The following POLN variants were observed in gnomAD, a reference collection of about 807,000 sequenced individuals.
The protein encoded by POLN is DNA polymerase nu, also known as DNA polymerase N.
Under a neutral mutation model 113.5 loss-of-function variants are expected in POLN, and 108 were observed. That is an observed-to-expected ratio of 0.95 (90% CI 0.81 to 1.12). The LOEUF is 1.12. Among genes scored for constraint, POLN ranks in the 50% most tolerant of loss-of-function variants. POLN has a pLI of 0.00. For synonymous variants in POLN, 386 were observed against 391.5 expected, an observed-to-expected ratio of 0.99 and a Z score of 0.17; for missense variants, 1,097 against 1,077.1, an observed-to-expected ratio of 1.02 and a Z score of -0.26.
intron 16 of POLN, chr4:2,139,951 G>A (rs1408535535): frequency 1.3e-5 from 2 of 152,016 alleles, no homozygotes; most frequent in Non-Finnish European, 2.9e-5. Flanking sequence ...AGACTCTCCA[G>A]GAAATAACAA....
At chr4:2,163,105 G>A (rs1732642603) in intron 13 of POLN, among the ~76,000 whole-genome samples, 1 of 151,470 alleles carries the variant, frequency 6.6e-6, no homozygotes, top group Non-Finnish European at 1.5e-5. Context: ...CCACTTGGGG[G>A]AGAACTGATT....
At chr4:2,133,296 C>T (rs1731773165) in intron 16 of POLN, among the ~76,000 whole-genome samples, 1 of 152,204 alleles carries the variant, frequency 6.6e-6, no homozygotes, top group African/African-American at 2.4e-5. Context: ...GCCATATGAT[C>T]CAGCAATTCC....
At chr4:2,098,198 G>A (rs1730842661) in intron 19 of POLN, among the ~76,000 whole-genome samples, 1 of 152,182 alleles carries the variant, frequency 6.6e-6, no homozygotes, top group African/African-American at 2.4e-5. Flanking sequence ...GGGATCATTT[G>A]AGGCCAGGAG....
chr4:2,071,934 G>A lies in POLN; in HGVS notation c.*180C>T. ...TGGACGCGGCACTTCCCACTCACAG[G>A]AAGAATTCACTCAGACAAGGATGAG... On this transcript the variant is annotated 3_prime_UTR_variant, in exon 26 of 26. Transcript: ENST00000511885. This position sits in a 1 kb window ranked among gnomAD's most constrained non-coding sequence, Gnocchi z 5.2. The A allele has an allele frequency of 2.6e-6, 2 of 781,536 alleles. No individual in the cohort carries two copies. The highest frequency in any genetic ancestry group is 1.4e-5 in the South Asian group (1 of 69,034). 48.4% of individuals were successfully genotyped at this position (781,536 alleles called of 1,614,324 possible). A position where few individuals can be genotyped will look rare whatever the true frequency, so the allele number is the denominator to read the frequency against.
chr4:2,190,401 A>G (rs751349057), intron 7 of POLN, among the ~76,000 whole-genome samples: 5 of 152,154 alleles, frequency 3.3e-5, no homozygotes, highest in Admixed American at 6.5e-5. Flanking sequence ...AAGGACTTAA[A>G]TCTAAGACCT....
chr4:2,138,425 G>A (rs1304357508), intron 16 of POLN, among the ~76,000 whole-genome samples: 1 of 152,288 alleles, frequency 6.6e-6, no homozygotes, highest in South Asian at 2.1e-4. Flanking sequence ...GAAGGTGGGT[G>A]GGGAGCTGGA....
rs575085322 is a variant in POLN, at chr4:2,100,012, G to A, written c.1983-4079C>T. On this transcript the variant is annotated intron_variant, in intron 19 of 25. Transcript: ENST00000511885. ...TGGAGCCCGGGAGGCTGAGGCTGCA[G>A]TGAGCTGAGATTGTGCCACTGCACT... Among the ~76,000 whole-genome samples, 178 of 150,316 alleles carry A rather than the reference G, an allele frequency of 1.2e-3. 1 individual carries two copies. Among genetic ancestry groups the A allele is most frequent in the African/African-American group, 4.1e-3 (170 of 40,992 alleles).
intron 19 of POLN, among the ~76,000 whole-genome samples, chr4:2,113,789 C>T (rs1160276003): frequency 2.6e-5 from 4 of 151,144 alleles, no homozygotes; most frequent in Non-Finnish European, 4.4e-5. Context: ...ACCCAGGAGG[C>T]GGAGGTTGCA....
At chr4:2,239,209 G>A (rs1734882485) in intron 2 of POLN, among the ~76,000 whole-genome samples, 1 of 152,036 alleles carries the variant, frequency 6.6e-6, no homozygotes, top group South Asian at 2.1e-4. Context: ...GGAAAAATGT[G>A]GACTAAGTCA....
intron 16 of POLN, among the ~76,000 whole-genome samples, chr4:2,141,226 T>A (rs1731992995): frequency 6.6e-6 from 1 of 152,226 alleles, no homozygotes; most frequent in Non-Finnish European, 1.5e-5. Flanking sequence ...GATCTGCAAC[T>A]GAAAGTCTGC....
rs773216220 is a variant in POLN, at chr4:2,095,844, A to G, written c.2065+7T>C. The G allele has an allele frequency of 1.2e-5, 20 of 1,613,458 alleles. No homozygotes were observed. Among genetic ancestry groups the G allele is most frequent in the Middle Eastern group, 1.6e-4 (1 of 6,062 alleles). On this transcript the variant is annotated splice_region_variant and intron_variant, in intron 20 of 25. Coordinates refer to ENST00000511885, the MANE Select transcript of POLN (RefSeq NM_181808.4). ...CCCGAGACCCCAGCTCCCGGCCCGC[A>G]GCCTACCTGCTCCATAGACCACCGC...
intron 20 of POLN, among the ~76,000 whole-genome samples, chr4:2,092,901 C>T (rs1478862277): frequency 6.6e-6 from 1 of 152,204 alleles, no homozygotes; most frequent in Non-Finnish European, 1.5e-5. Context: ...GAACAGAGAC[C>T]AGCCTAAGCC....
At chr4:2,147,587 A>AT (rs1201075148) in intron 16 of POLN, among the ~76,000 whole-genome samples, 1 of 149,566 alleles carries the variant, frequency 6.7e-6, no homozygotes, top group East Asian at 2.0e-4. Flanking sequence ...AAACCAAATG[A>AT]TTTTGAGACA....
intron 9 of POLN, among the ~76,000 whole-genome samples, chr4:2,175,737 C>T (rs1732978729): frequency 6.6e-6 from 1 of 152,250 alleles, no homozygotes; most frequent in Non-Finnish European, 1.5e-5. Context: ...GCAGGCTCCT[C>T]CAGGTCACAT....
At chr4:2,135,302 T>C (rs1731826649) in intron 16 of POLN, among the ~76,000 whole-genome samples, 1 of 152,138 alleles carries the variant, frequency 6.6e-6, no homozygotes, top group South Asian at 2.1e-4. Flanking sequence ...CACATGTGTT[T>C]CTTCTGTAAC....
At chr4:2,077,855 C>T (rs1488780619) in intron 23 of POLN, among the ~76,000 whole-genome samples, 3 of 152,164 alleles carry the variant, frequency 2.0e-5, no homozygotes, top group South Asian at 2.1e-4. Context: ...GGACGTCTGT[C>T]GTCTCCGTGT....
intron 19 of POLN, among the ~76,000 whole-genome samples, chr4:2,108,621 C>A (rs1045356489): frequency 6.6e-6 from 1 of 152,080 alleles, no homozygotes; most frequent in East Asian, 1.9e-4. Flanking sequence ...CATGTATTGA[C>A]GCCCATTAAA....
At chr4:2,090,163 G>C in intron 20 of POLN, 1 of 1,005,928 alleles carries the variant, frequency 9.9e-7, no homozygotes, top group African/African-American at 1.6e-5. Flanking sequence ...TGAAACTTCA[G>C]AAGAAGAAAA....
rs953632763 is a variant in POLN, at chr4:2,093,373, G to A, written c.2065+2478C>T. On this transcript the variant is annotated intron_variant, in intron 20 of 25. Coordinates refer to ENST00000511885, the MANE Select transcript of POLN (RefSeq NM_181808.4). This position sits in a 1 kb window ranked among gnomAD's most constrained non-coding sequence, Gnocchi z 4.1. ...CACAGAAGTGAAGTAGGACTCAGAC[G>A]TAACGGCAGATGACAGAGATGAGAG... 6.6e-6 allele frequency among the ~76,000 whole-genome samples: 1 copy of A among 152,222 alleles called. No individual in the cohort carries two copies. The highest frequency in any genetic ancestry group is 2.4e-5 in the African/African-American group (1 of 41,458).
Sources: allele counts gnomAD v4.1 joint callset (sites outside exome capture counted in the v4.1 genomes callset), GRCh38; gene constraint gnomAD v4.1.1; non-coding constraint Gnocchi (gnomAD v3.1); transcripts MANE v1.5; gene names NCBI Gene and HGNC (gene_info 2026-07-23, HGNC 2026-07-21).